The following HAVCR2 variants were observed in gnomAD, a reference collection of about 807,000 sequenced individuals.
HAVCR2 encodes T cell immunoglobulin mucin 3.
HAVCR2 carries 13 observed loss-of-function variants against 24.7 expected under a neutral mutation model. The observed-to-expected ratio is 0.53, with a 90% confidence interval of 0.34 to 0.84. The LOEUF is 0.84. Ranked by LOEUF, HAVCR2 falls within the 40% of genes least tolerant of loss-of-function variation. The pLI is 0.01. For synonymous variants in HAVCR2, 154 were observed against 143.4 expected (o/e 1.07, Z -0.53); for missense variants, 343 against 371.2 (o/e 0.92, Z 0.62).
chr5:157,094,044 T>C (rs962506526), intron 5 of HAVCR2, among the ~76,000 whole-genome samples: 2 of 150,714 alleles, frequency 1.3e-5, no homozygotes, highest in African/African-American at 4.9e-5. Flanking sequence ...CACACTTCTT[T>C]TTTTTTTTTT....
At chr5:157,095,593 C>CT in intron 4 of HAVCR2, 134 bp from the exon 5 acceptor site, 1 of 930,752 alleles carries the variant, frequency 1.1e-6, no homozygotes, top group Non-Finnish European at 1.6e-6. Flanking sequence ...CACCTTTGAT[C>CT]TGTCACCTTG....
intron 5 of HAVCR2, 102 bp downstream of exon 5, chr5:157,095,204 T>C: frequency 8.0e-7 from 1 of 1,252,506 alleles, no homozygotes; most frequent in South Asian, 1.4e-5. Context: ...TTTAGTCTAA[T>C]CATCTTTGGG....
rs70984443 is a variant in HAVCR2 at position 157,098,909 on chromosome 5, A to AAGAG, written c.479-12_479-9dup. The AAGAG allele has an allele frequency of 5.9e-3, 9,325 of 1,567,600 alleles. 3 individuals are homozygous for AAGAG. The highest frequency in any genetic ancestry group is 7.2e-3 in the Non-Finnish European group (8,217 of 1,148,434). On this transcript the variant is annotated splice_polypyrimidine_tract_variant and intron_variant, in intron 3 of 6. Transcript: ENST00000307851. The stretch of plus-strand genomic sequence containing the variant: ...CCAGTGTCTGTGTCTCTGCTATAAA[A>AAGAG]AGAGAGAGAGAGAGAGAGAGAGGAA...
Position 157,098,941 on chromosome 5 carries a change from C to T in HAVCR2, c.479-40G>A, listed in dbSNP as rs777108346. 1.3e-5 allele frequency: 20 copies of T among 1,560,264 alleles called. No homozygotes were observed. In the East Asian group the frequency reaches 3.4e-4, roughly 26 times the overall value. ...AGAGAGAGAGAGAGAGGAAAAATAG[C>T]CAATAGTATAGTTAAGAACGTTTTC... On this transcript the variant is annotated intron_variant, in intron 3 of 6. Transcript: ENST00000307851.
At chr5:157,091,107 T>C (rs1184280916) in intron 5 of HAVCR2, among the ~76,000 whole-genome samples, 1 of 152,178 alleles carries the variant, frequency 6.6e-6, no homozygotes, top group South Asian at 2.1e-4. Flanking sequence ...GAAGGAGGAC[T>C]TTCTAGAATG....
intron 5 of HAVCR2, among the ~76,000 whole-genome samples, chr5:157,092,737 T>C (rs974923127): frequency 2.0e-5 from 3 of 151,754 alleles, no homozygotes; most frequent in African/African-American, 7.2e-5. Context: ...TAAGCCACCG[T>C]GCTCAGCCTC....
chr5:157,108,906 A>G lies in HAVCR2; in HGVS notation c.58+20T>C. 1 of 1,612,090 alleles carries G rather than the reference A, an allele frequency of 6.2e-7. No homozygotes were observed. The highest frequency in any genetic ancestry group is 8.5e-7 in the Non-Finnish European group (1 of 1,178,158). ...GTACAGCACCATTATGTCATTGTAA[A>G]TATCCATGCCGAGACTTACTTGTAA... On this transcript the variant is annotated intron_variant, in intron 1 of 6. Coordinates refer to ENST00000307851, the MANE Select transcript of HAVCR2 (RefSeq NM_032782.5).
intron 1 of HAVCR2, 107 bp downstream of exon 1, chr5:157,108,819 C>A: frequency 1.9e-6 from 2 of 1,040,108 alleles, no homozygotes; most frequent in South Asian, 1.7e-5. Context: ...AGGTTGCTTC[C>A]AAGCTTTTGC....
intron 2 of HAVCR2, chr5:157,106,226 G>C (rs894516171): frequency 1.2e-5 from 2 of 165,372 alleles, no homozygotes; most frequent in African/African-American, 4.8e-5. Context: ...CGACTCCCAG[G>C]TTCAAGTGAT....
At chr5:157,092,594 G>A (rs1218930598) in intron 5 of HAVCR2, among the ~76,000 whole-genome samples, 1 of 151,830 alleles carries the variant, frequency 6.6e-6, no homozygotes, top group Non-Finnish European at 1.5e-5. Context: ...TTATAGGCAT[G>A]TGCCCCCATG....
chr5:157,095,418 C>G lies in HAVCR2; in HGVS notation c.564G>C (p.Leu188Phe). 5.8e-5 allele frequency: 93 copies of G among 1,613,960 alleles called. No homozygotes were observed. Among genetic ancestry groups the G allele is most frequent in the Non-Finnish European group, 7.9e-5 (93 of 1,179,872 alleles). The change falls in exon 5 of 7, where the codon TTG becomes TTC. Residue 188 changes from leucine (L) to phenylalanine (F), a missense_variant. Coordinates refer to ENST00000307851, the MANE Select transcript of HAVCR2 (RefSeq NM_032782.5). ...CTCCAGAGTCCCGTAAGTCATTGGC[C>G]AATCTAGAGTCCCGTAACTCATTGG... Reference protein sequence around the residue: ...TLANELRDSRLANDLRDSGAT... With the variant: ...TLANELRDSRFANDLRDSGAT...
At chr5:157,105,090 G>A (rs1453762247) in intron 2 of HAVCR2, among the ~76,000 whole-genome samples, 2 of 148,504 alleles carry the variant, frequency 1.3e-5, no homozygotes, top group African/African-American at 2.5e-5. Context: ...TTGAAACGGA[G>A]TTTTGCTCTT....
At chr5:157,092,600 C>T (rs533843221) in intron 5 of HAVCR2, among the ~76,000 whole-genome samples, 1 of 152,030 alleles carries the variant, frequency 6.6e-6, no homozygotes, top group Non-Finnish European at 1.5e-5. Context: ...GCATGTGCCC[C>T]CATGCCCGGC....
chr5:157,104,432 G>A (rs944670786), intron 3 of HAVCR2, among the ~76,000 whole-genome samples: 2 of 152,164 alleles, frequency 1.3e-5, no homozygotes, highest in Non-Finnish European at 2.9e-5. Context: ...AGACTATAAA[G>A]TTTATTAACT....
chr5:157,098,848 A>G lies in HAVCR2; in HGVS notation c.522+10T>C. On this transcript the variant is annotated intron_variant, in intron 4 of 6. Coordinates refer to ENST00000307851, the MANE Select transcript of HAVCR2 (RefSeq NM_032782.5). The stretch of plus-strand genomic sequence containing the variant: ...TGAGTACAACATAGCTCACAAAAAA[A>G]GTTACTTACTGTTAGATTTATATCA... 1 of 1,611,966 alleles carries G rather than the reference A, an allele frequency of 6.2e-7. No individual in the cohort carries two copies. The highest frequency in any genetic ancestry group is 8.5e-7 in the Non-Finnish European group (1 of 1,178,574).
intron 5 of HAVCR2, among the ~76,000 whole-genome samples, chr5:157,089,276 G>A (rs1416442187): frequency 3.3e-5 from 5 of 152,122 alleles, no homozygotes; most frequent in Admixed American, 2.0e-4. Context: ...CTAATTTCAC[G>A]AAGCTCACGC....
At chr5:157,088,189 C>T (rs529868850) in intron 6 of HAVCR2, among the ~76,000 whole-genome samples, 12 of 152,318 alleles carry the variant, frequency 7.9e-5, no homozygotes, top group Admixed American at 5.9e-4. Context: ...GGCTTATAGG[C>T]GTAAGCCACA....
chr5:157,092,322 T>G (rs1048588694), intron 5 of HAVCR2, among the ~76,000 whole-genome samples: 2 of 152,034 alleles, frequency 1.3e-5, no homozygotes, highest in Non-Finnish European at 2.9e-5. Flanking sequence ...TGAGGCTAAG[T>G]GCAATGACTC....
Position 157,095,299 on chromosome 5 carries a change from CACTT to C in HAVCR2, c.676+3_676+6del. On this transcript the variant is annotated splice_donor_5th_base_variant and intron_variant, in intron 5 of 6. Coordinates refer to ENST00000307851, the MANE Select transcript of HAVCR2 (RefSeq NM_032782.5). ...TATCAGAGGGAGAGAGAAACAAAAA[CACTT>C]ACATTTGAAAATTAAAGCGCCGAAG... 3 of 1,612,928 alleles carry C rather than the reference CACTT, an allele frequency of 1.9e-6. No homozygotes were observed. The highest frequency in any genetic ancestry group is 2.5e-6 in the Non-Finnish European group (3 of 1,179,596).
Sources: allele counts gnomAD v4.1 joint callset (sites outside exome capture counted in the v4.1 genomes callset), GRCh38; gene constraint gnomAD v4.1.1; transcripts MANE v1.5; gene names NCBI Gene and HGNC (gene_info 2026-07-23, HGNC 2026-07-21).